The following RPS6KC1 variants were observed in gnomAD, a reference collection of about 807,000 sequenced individuals.
RPS6KC1 encodes the protein inactive ribosomal protein S6 kinase delta-1.
RPS6KC1 carries 54 observed loss-of-function variants against 103.8 expected under a neutral mutation model. The ratio of observed to expected loss-of-function variants is 0.52; its 90% confidence interval spans 0.42 to 0.65. The LOEUF is 0.65. Among genes scored for constraint, RPS6KC1 ranks in the 30% least tolerant of loss-of-function variants. RPS6KC1 has a pLI of 0.00. For synonymous variants in RPS6KC1, 439 were observed against 438.7 expected (o/e 1.00, Z -0.01); for missense variants, 1,151 against 1,253.8 (o/e 0.92, Z 1.24).
chr1:213,740,137 G>A, the RPS6KC1 span, among the ~76,000 whole-genome samples: 1 of 152,128 alleles, frequency 6.6e-6, no homozygotes, highest in Non-Finnish European at 1.5e-5. Context: ...ATGATCTCTA[G>A]GAACATTTTC....
the RPS6KC1 span, among the ~76,000 whole-genome samples, chr1:213,721,931 CT>C: frequency 6.6e-6 from 1 of 152,180 alleles, no homozygotes; most frequent in Non-Finnish European, 1.5e-5. Context: ...CCTAGAAACA[CT>C]TAGCCTGGGT....
chr1:213,187,627 A>T (rs1264258925), intron 8 of RPS6KC1, among the ~76,000 whole-genome samples: 2 of 150,592 alleles, frequency 1.3e-5, no homozygotes, highest in East Asian at 2.0e-4. Context: ...TTTCCTTATA[A>T]CTACTATTTT....
At chr1:213,394,010 T>C in the RPS6KC1 span, among the ~76,000 whole-genome samples, 22 of 151,814 alleles carry the variant, frequency 1.4e-4, no homozygotes, top group African/African-American at 4.6e-4. Context: ...ACAGATGTAA[T>C]GGAAGGGAGG....
intron 7 of RPS6KC1, among the ~76,000 whole-genome samples, chr1:213,169,003 A>G (rs945700886): frequency 2.6e-5 from 4 of 152,138 alleles, no homozygotes; most frequent in African/African-American, 4.8e-5. Context: ...GTCAGTTTCT[A>G]TATCTGAATA....
the RPS6KC1 span, among the ~76,000 whole-genome samples, chr1:213,399,472 C>T: frequency 6.6e-6 from 1 of 152,172 alleles, no homozygotes; most frequent in African/African-American, 2.4e-5. Flanking sequence ...CCTTACCTAC[C>T]ACGGATGGAT....
intron 1 of RPS6KC1, 114 bp downstream of exon 1, chr1:213,051,623 T>G (rs1383743628): frequency 5.5e-6 from 4 of 727,056 alleles, no homozygotes; most frequent in African/African-American, 1.8e-5. Context: ...TGGGACTGGG[T>G]GCTGCTCCTA....
chr1:213,054,760 G>T (rs992454355), intron 1 of RPS6KC1, among the ~76,000 whole-genome samples: 1 of 152,148 alleles, frequency 6.6e-6, no homozygotes, highest in African/African-American at 2.4e-5. Context: ...CCAGTTGCAA[G>T]CATACTAACA....
At chr1:213,825,673 G>A in the RPS6KC1 span, among the ~76,000 whole-genome samples, 1 of 151,474 alleles carries the variant, frequency 6.6e-6, no homozygotes, top group African/African-American at 2.4e-5. Flanking sequence ...AAGCACCAGT[G>A]AACTTCGAGA....
chr1:213,538,226 T>C, the RPS6KC1 span, among the ~76,000 whole-genome samples: 4 of 152,270 alleles, frequency 2.6e-5, no homozygotes, highest in South Asian at 8.3e-4. Flanking sequence ...AGGAAAGAAA[T>C]GTCAACCCTG....
At chr1:213,704,404 A>C in the RPS6KC1 span, among the ~76,000 whole-genome samples, 1 of 150,970 alleles carries the variant, frequency 6.6e-6, no homozygotes, top group Non-Finnish European at 1.5e-5. Context: ...AAAAAAAAAA[A>C]AAAAAAAACT....
At chr1:213,860,359 G>A in the RPS6KC1 span, among the ~76,000 whole-genome samples, 6 of 151,544 alleles carry the variant, frequency 4.0e-5, no homozygotes, top group East Asian at 3.9e-4. Context: ...TAACAATTTC[G>A]GATCTACTCT....
chr1:213,242,016 C>T lies in RPS6KC1; in HGVS notation c.2540C>T (p.Thr847Ile). The T allele has an allele frequency of 6.2e-7, 1 of 1,614,004 alleles. No individual in the cohort carries two copies. The change falls in exon 11 of 15, where the codon ACA (threonine) becomes ATA (isoleucine). Residue 847 changes from threonine (T) to isoleucine (I), a missense_variant. Coordinates refer to ENST00000366960, the MANE Select transcript of RPS6KC1 (RefSeq NM_012424.6). ...TLKTEEVLLF[T>I]DQTDDLAKEE... is the part of the protein sequence containing the mutation. ...AAAACAGAAGAAGTATTGCTGTTTA[C>T]AGATCAGACTGATGATTTGGCTAAA...
intron 8 of RPS6KC1, among the ~76,000 whole-genome samples, chr1:213,210,891 T>C (rs1476398823): frequency 2.0e-5 from 3 of 152,252 alleles, no homozygotes; most frequent in Non-Finnish European, 4.4e-5. Context: ...CTGTTATCAT[T>C]ATGAGAGAAC....
chr1:213,139,233 A>C lies in RPS6KC1; in HGVS notation c.835+9344A>C, dbSNP rs559526447. 5.3e-5 allele frequency among the ~76,000 whole-genome samples: 8 copies of C among 152,178 alleles called. No homozygotes were observed. In the South Asian group the frequency reaches 1.5e-3, roughly 28 times the overall value. ...ACTTGTTGATTTGAGTTCCTTATAG[A>C]TTCTGAATATTAGACCTTTGTCAGA... On this transcript the variant is annotated intron_variant, in intron 6 of 14. Coordinates refer to ENST00000366960, the MANE Select transcript of RPS6KC1 (RefSeq NM_012424.6).
the RPS6KC1 span, among the ~76,000 whole-genome samples, chr1:213,561,832 A>G: frequency 2.0e-5 from 3 of 152,234 alleles, no homozygotes; most frequent in Non-Finnish European, 4.4e-5. Flanking sequence ...TTGAAATGGC[A>G]GAAGGGAAAC....
chr1:213,055,316 A>G (rs1270887847), intron 1 of RPS6KC1, among the ~76,000 whole-genome samples: 2 of 151,596 alleles, frequency 1.3e-5, no homozygotes, highest in Non-Finnish European at 2.9e-5. Context: ...GGAATCATAT[A>G]GTATGCACTT....
chr1:213,719,601 A>C, the RPS6KC1 span, among the ~76,000 whole-genome samples: 2 of 152,178 alleles, frequency 1.3e-5, no homozygotes, highest in Non-Finnish European at 2.9e-5. Flanking sequence ...AAAAAGAGGA[A>C]GTAAATGATA....
intron 10 of RPS6KC1, 70 bp from the exon 11 acceptor site, chr1:213,240,632 C>T: frequency 1.5e-6 from 2 of 1,330,232 alleles, no homozygotes; most frequent in South Asian, 1.5e-5. Context: ...TTTTGTTTTT[C>T]TAATGGCTTA....
At chr1:213,605,080 G>C in the RPS6KC1 span, among the ~76,000 whole-genome samples, 1 of 152,094 alleles carries the variant, frequency 6.6e-6, no homozygotes, top group African/African-American at 2.4e-5. Context: ...GCTTTGATCA[G>C]AAGTTCTCAA....
Sources: gnomAD v4.1 joint callset for allele counts (sites outside exome capture counted in the v4.1 genomes callset) on GRCh38, gnomAD v4.1.1 for gene constraint, MANE v1.5 for transcripts, NCBI Gene and HGNC (gene_info 2026-07-23, HGNC 2026-07-21) for gene names.